BIN3: variants seen among roughly 807,000 people sequenced by gnomAD.
The protein encoded by BIN3 is bridging integrator 3.
BIN3 carries 41 observed loss-of-function variants against 38.2 expected under a neutral mutation model. The observed-to-expected ratio is 1.07, with a 90% CI of 0.84 to 1.39. The LOEUF (loss-of-function observed/expected upper bound fraction) is 1.39, where lower values mean the gene tolerates loss of function less well. BIN3 is among the 40% of genes most tolerant of loss of function. The pLI is 0.00. For missense variants in BIN3, 361 were observed against 324.3 expected, an observed-to-expected ratio of 1.11 and a Z score of -0.87; for synonymous variants, 145 against 122.6, an observed-to-expected ratio of 1.18 and a Z score of -1.21.
chr8:22,624,205 C>T lies in BIN3; in HGVS notation c.480+17G>A. The T allele has an allele frequency of 6.2e-7, 1 of 1,611,038 alleles. No individual in the cohort carries two copies. On this transcript the variant is annotated intron_variant, in intron 7 of 8. Transcript: ENST00000276416. ...GGCCCACCTGTCTAGCCCCTGCCCA[C>T]CTGTCTCCCCTGGTACCTGGTGGAG...
intron 1 of BIN3, among the ~76,000 whole-genome samples, chr8:22,659,762 G>A (rs1803173410): frequency 6.6e-6 from 1 of 152,154 alleles, no homozygotes; most frequent in South Asian, 2.1e-4. Flanking sequence ...ACCTTCCTGT[G>A]TCTCCGTCTC....
chr8:22,637,959 C>G (rs1331324825), intron 2 of BIN3, among the ~76,000 whole-genome samples: 3 of 152,180 alleles, frequency 2.0e-5, no homozygotes, highest in Admixed American at 6.5e-5. Context: ...CAAGGTCACC[C>G]CATTGGTGAG....
intron 4 of BIN3, among the ~76,000 whole-genome samples, chr8:22,631,623 C>A (rs371277147): frequency 6.6e-6 from 1 of 152,254 alleles, no homozygotes; most frequent in Non-Finnish European, 1.5e-5. Flanking sequence ...CTTCCCTGTT[C>A]ACTGCTCTCC....
chr8:22,659,615 T>G (rs1215614117), intron 1 of BIN3, among the ~76,000 whole-genome samples: 1 of 152,176 alleles, frequency 6.6e-6, no homozygotes, highest in Non-Finnish European at 1.5e-5. Flanking sequence ...TACATCCGTT[T>G]ATTTGAAGTG....
At chr8:22,622,750 A>G in intron 8 of BIN3, 1 of 152,532 alleles carries the variant, frequency 6.6e-6, no homozygotes, top group Non-Finnish European at 1.5e-5. Context: ...ACAGTGAGGA[A>G]GAGGCAGGCC....
At position 22,669,106 on chromosome 8, in the gene BIN3, G is replaced by A; in HGVS notation, c.-55C>T. 1 of 1,566,776 alleles carries A rather than the reference G, an allele frequency of 6.4e-7. No individual in the cohort carries two copies. The highest frequency in any genetic ancestry group is 8.7e-7 in the Non-Finnish European group (1 of 1,155,306). ...CCTCAGCCACAACTCGTTTCTCTAG[G>A]GTCACTTCCGGATTCAACCAGTCTC... On this transcript the variant is annotated 5_prime_UTR_variant, in exon 1 of 9. Transcript: ENST00000276416.
intron 1 of BIN3, among the ~76,000 whole-genome samples, chr8:22,658,091 AT>A (rs1803114952): frequency 6.6e-6 from 1 of 152,264 alleles, no homozygotes; most frequent in African/African-American, 2.4e-5. Flanking sequence ...TCTGGAAGAA[AT>A]TAAGAGGGTT....
At chr8:22,624,605 G>T in intron 6 of BIN3, 1 of 511,264 alleles carries the variant, frequency 2.0e-6, no homozygotes, top group South Asian at 2.8e-5. Context: ...GAGCTTGTGC[G>T]AACGTGGACA....
chr8:22,621,532 C>CT lies in BIN3; in HGVS notation c.651dup (p.Asp218ArgfsTer7), dbSNP rs754894198. 9 of 1,613,900 alleles carry CT rather than the reference C, an allele frequency of 5.6e-6. No homozygotes were observed. The highest frequency in any genetic ancestry group is 7.6e-6 in the Non-Finnish European group (9 of 1,179,896). On this transcript the variant is annotated frameshift_variant, in exon 9 of 9. Coordinates refer to ENST00000276416, the MANE Select transcript of BIN3 (RefSeq NM_018688.6). LOFTEE classifies it high-confidence loss of function. ...GGCTGGTCAAGCTGATGGGACAGGT[C>CT]TCCAAAGATCTTGTGCATTTCCGAG...
At chr8:22,666,047 C>T (rs1803406855) in intron 1 of BIN3, among the ~76,000 whole-genome samples, 1 of 152,122 alleles carries the variant, frequency 6.6e-6, no homozygotes, top group Non-Finnish European at 1.5e-5. Context: ...CTCCTACTCA[C>T]ACTTACCTGC....
intron 4 of BIN3, among the ~76,000 whole-genome samples, chr8:22,631,559 G>A (rs1411765433): frequency 6.6e-6 from 1 of 152,332 alleles, no homozygotes; most frequent in East Asian, 1.9e-4. Context: ...ATGCCTCCAA[G>A]GTCAAACGGC....
At chr8:22,664,342 CACAG>C (rs755263639) in intron 1 of BIN3, among the ~76,000 whole-genome samples, 4 of 152,348 alleles carry the variant, frequency 2.6e-5, no homozygotes, top group Admixed American at 2.0e-4. Flanking sequence ...TACAGAATCT[CACAG>C]ACATTTTATA....
intron 4 of BIN3, 129 bp downstream of exon 4, chr8:22,636,396 G>T: frequency 2.2e-6 from 2 of 919,158 alleles, no homozygotes; most frequent in Non-Finnish European, 3.3e-6. Context: ...CCCTGAGGCT[G>T]CTTCTCAGGA....
At chr8:22,651,822 T>G (rs959683797) in intron 1 of BIN3, among the ~76,000 whole-genome samples, 2 of 152,248 alleles carry the variant, frequency 1.3e-5, no homozygotes, top group Non-Finnish European at 2.9e-5. Flanking sequence ...CAGGACTGTT[T>G]CAATTTGGCA....
chr8:22,668,012 G>C (rs540620361), intron 1 of BIN3, among the ~76,000 whole-genome samples: 1 of 152,198 alleles, frequency 6.6e-6, no homozygotes, highest in Non-Finnish European at 1.5e-5. Flanking sequence ...AGCCTCTGAG[G>C]ACAGAGTGGC....
intron 5 of BIN3, among the ~76,000 whole-genome samples, 167 bp from the exon 6 acceptor site, chr8:22,630,171 G>C (rs959604518): frequency 1.3e-5 from 2 of 152,264 alleles, no homozygotes; most frequent in African/African-American, 4.8e-5. Flanking sequence ...GCTGGCCACA[G>C]AAGCCTCAGG....
At chr8:22,631,325 G>C (rs373798584) in intron 4 of BIN3, among the ~76,000 whole-genome samples, 4 of 152,070 alleles carry the variant, frequency 2.6e-5, no homozygotes, top group Non-Finnish European at 5.9e-5. Flanking sequence ...CCCTCCTCCC[G>C]GGTCTGTTCC....
In BIN3 at chr8:22,621,571, G is replaced by T. The variant is rs1248635404; in HGVS notation, c.616-3C>A. 2 of 1,613,186 alleles carry T rather than the reference G, an allele frequency of 1.2e-6. No individual in the cohort carries two copies. The highest frequency in any genetic ancestry group is 4.5e-5 in the East Asian group (2 of 44,890). ...TGCATTTCCGAGTAGTACACAACCT[G>T]GGGGAGGCGACAGGGGTTGGCACGT... On this transcript the variant is annotated splice_region_variant and splice_polypyrimidine_tract_variant and intron_variant, in intron 8 of 8. Coordinates refer to ENST00000276416, the MANE Select transcript of BIN3 (RefSeq NM_018688.6).
chr8:22,665,202 C>G (rs1585209067), intron 1 of BIN3, among the ~76,000 whole-genome samples: 1 of 152,296 alleles, frequency 6.6e-6, no homozygotes, highest in East Asian at 1.9e-4. Context: ...GACCTGGAAG[C>G]CACTTGTGTC....
Sources: gnomAD v4.1 joint callset for allele counts (sites outside exome capture counted in the v4.1 genomes callset) on GRCh38, gnomAD v4.1.1 for gene constraint, MANE v1.5 for transcripts, NCBI Gene and HGNC (gene_info 2026-07-23, HGNC 2026-07-21) for gene names.